NUBPL: variants seen among roughly 807,000 people sequenced by gnomAD.
The protein encoded by NUBPL is iron-sulfur cluster transfer protein NUBPL.
In NUBPL, 31 loss-of-function variants were observed where a neutral mutation model predicts 45.7. That is an observed-to-expected ratio of 0.68 (90% confidence interval 0.51 to 0.92). NUBPL has a LOEUF of 0.92. NUBPL is among the 40% of genes least tolerant of loss of function. The probability of loss-of-function intolerance (pLI) is 0.00; values close to 1 mark genes in which losing one functional copy is unlikely to be tolerated. For synonymous variants in NUBPL, 144 were observed against 140.9 expected (o/e 1.02, Z -0.15); for missense variants, 401 against 398.7 (o/e 1.01, Z -0.05).
At chr14:31,567,260 CTTT>C (rs1308136824) in intron 3 of NUBPL, among the ~76,000 whole-genome samples, 1 of 152,030 alleles carries the variant, frequency 6.6e-6, no homozygotes, top group Non-Finnish European at 1.5e-5. Context: ...TTTAGGTTTT[CTTT>C]ATGTCTTTTA....
chr14:31,851,795 AT>A (rs1302555160), intron 10 of NUBPL, among the ~76,000 whole-genome samples: 1 of 152,200 alleles, frequency 6.6e-6, no homozygotes, highest in Non-Finnish European at 1.5e-5. Flanking sequence ...AGAACAGACT[AT>A]AAAGACATTT....
intron 6 of NUBPL, among the ~76,000 whole-genome samples, chr14:31,750,427 G>A (rs2038500980): frequency 6.7e-6 from 1 of 148,150 alleles, no homozygotes; most frequent in Admixed American, 6.8e-5. Flanking sequence ...TCGATCTCCT[G>A]ACCTCGTGAT....
rs781121684 is a variant in NUBPL at position 31,859,170 on chromosome 14, C to A, written c.950C>A (p.Pro317His). ...AVEVVRRLPS[P>H]SE ...GAAGTGGTAAGAAGATTGCCATCACCTTCAGAATGATTCCCCAAGTGTCCT... is the reference window on the plus strand; with the variant it reads ...GAAGTGGTAAGAAGATTGCCATCACATTCAGAATGATTCCCCAAGTGTCCT... Residue 317 changes from proline (P) to histidine (H), a missense_variant, in exon 11 of 11, where the codon CCT becomes CAT. Pro to His is a moderately conservative substitution (Grantham distance 77, BLOSUM62 -2). Coordinates refer to ENST00000281081, the MANE Select transcript of NUBPL (RefSeq NM_025152.3). 8 of 1,613,830 alleles carry A rather than the reference C, an allele frequency of 5.0e-6. No homozygotes were observed. The Admixed American group carries it at 1.3e-4, about 27-fold the overall frequency.
chr14:31,736,042 T>A (rs1025585429), intron 6 of NUBPL, among the ~76,000 whole-genome samples: 2 of 152,328 alleles, frequency 1.3e-5, no homozygotes, highest in Middle Eastern at 3.4e-3. Context: ...TTACTCAGTC[T>A]TCCTAACTTT....
chr14:31,614,140 G>T (rs750707085), intron 4 of NUBPL, among the ~76,000 whole-genome samples: 12 of 152,084 alleles, frequency 7.9e-5, no homozygotes, highest in Middle Eastern at 3.2e-3. Context: ...GTGGGGATTA[G>T]AACCCTAATA....
At chr14:31,786,403 T>C (rs1168641025) in intron 6 of NUBPL, among the ~76,000 whole-genome samples, 2 of 152,230 alleles carry the variant, frequency 1.3e-5, no homozygotes, top group Non-Finnish European at 1.5e-5. Flanking sequence ...GATAACCTTC[T>C]CTTCACTCAC....
At chr14:31,753,309 T>G (rs1234098054) in intron 6 of NUBPL, among the ~76,000 whole-genome samples, 1 of 152,036 alleles carries the variant, frequency 6.6e-6, no homozygotes, top group Non-Finnish European at 1.5e-5. Flanking sequence ...GGGAGGTGTA[T>G]GCAGCCTATG....
intron 4 of NUBPL, among the ~76,000 whole-genome samples, chr14:31,647,721 G>T (rs546374645): frequency 4.6e-5 from 7 of 152,160 alleles, no homozygotes; most frequent in African/African-American, 1.7e-4. Flanking sequence ...CCCTTTAGGC[G>T]TTCATGATGC....
rs752631820 is a variant in NUBPL, at chr14:31,787,789, G to T, written c.523G>T (p.Gly175Cys). 3 of 1,608,082 alleles carry T rather than the reference G, an allele frequency of 1.9e-6. No homozygotes were observed. The highest frequency in any genetic ancestry group is 2.6e-6 in the Non-Finnish European group (3 of 1,174,844). The change falls in exon 7 of 11, where the codon GGT becomes TGT. Residue 175 changes from glycine (G) to cysteine (C), a missense_variant. Physicochemically the swap from Gly to Cys is radical, Grantham distance 159 (BLOSUM62 -3). Coordinates refer to ENST00000281081, the MANE Select transcript of NUBPL (RefSeq NM_025152.3). ...TATGTCATCTTTTTAGGTAGATTGG[G>T]GTCAACTGGACTACTTAGTTGTAGA... is the stretch of plus-strand genomic sequence containing the variant. ...IEKLLRQVDW[G>C]QLDYLVVDMP...
intron 7 of NUBPL, among the ~76,000 whole-genome samples, chr14:31,815,249 C>T (rs1644491737): frequency 6.6e-6 from 1 of 151,916 alleles, no homozygotes; most frequent in African/African-American, 2.4e-5. Context: ...TGAAGAGGTC[C>T]TTCACATCCC....
At chr14:31,823,042 A>G (rs998156786) in intron 7 of NUBPL, among the ~76,000 whole-genome samples, 1 of 152,068 alleles carries the variant, frequency 6.6e-6, no homozygotes, top group Non-Finnish European at 1.5e-5. Flanking sequence ...AATAGGGCCT[A>G]TGGAAATAGA....
chr14:31,632,725 C>G (rs1307994665), intron 4 of NUBPL, among the ~76,000 whole-genome samples: 1 of 152,112 alleles, frequency 6.6e-6, no homozygotes, highest in African/African-American at 2.4e-5. Flanking sequence ...TCAGCAGATG[C>G]TGTTATTTTA....
In NUBPL at chr14:31,561,527, G is replaced by A. The variant is rs2033279279; in HGVS notation, c.88G>A (p.Ala30Thr). 7 of 1,382,938 alleles carry A rather than the reference G, an allele frequency of 5.1e-6. No individual in the cohort carries two copies. Among genetic ancestry groups the A allele is most frequent in the Non-Finnish European group, 4.7e-6 (5 of 1,060,814 alleles). The allele number at this position is 1,382,938 out of a possible 1,614,324, so 85.7% of individuals were successfully genotyped here. A position where few individuals can be genotyped will look rare whatever the true frequency, so the allele number is the denominator to read the frequency against. ...CACTGCCCCGCTTGGGGGAAGCCGA[G>A]CGATGGTTTGTGGGCGCCAGGTCCG... The part of the protein sequence containing the change: ...GATAPLGGSR[A>T]MVCGRQLSGA... The change falls in exon 1 of 11, where the codon GCG becomes ACG. Residue 30 changes from alanine to threonine, a missense_variant. By Grantham distance (58) the Ala-to-Thr change is moderately conservative. Coordinates refer to ENST00000281081, the MANE Select transcript of NUBPL (RefSeq NM_025152.3).
intron 8 of NUBPL, among the ~76,000 whole-genome samples, chr14:31,834,845 A>G (rs2040256458): frequency 6.6e-6 from 1 of 152,216 alleles, no homozygotes; most frequent in Non-Finnish European, 1.5e-5. Context: ...CTGGGCTCTG[A>G]TCCAAGAAGT....
chr14:31,710,623 G>C (rs2037549645), intron 6 of NUBPL, among the ~76,000 whole-genome samples: 1 of 152,168 alleles, frequency 6.6e-6, no homozygotes, highest in African/African-American at 2.4e-5. Context: ...ACATTCTCCT[G>C]TTAGTACTGG....
chr14:31,613,422 G>A (rs1041483683), intron 4 of NUBPL, among the ~76,000 whole-genome samples: 3 of 151,834 alleles, frequency 2.0e-5, no homozygotes, highest in Non-Finnish European at 2.9e-5. Flanking sequence ...ATAACTTATT[G>A]TACATTTAAA....
chr14:31,739,106 TG>T (rs1304230078), intron 6 of NUBPL, among the ~76,000 whole-genome samples: 1 of 149,774 alleles, frequency 6.7e-6, no homozygotes, highest in Non-Finnish European at 1.5e-5. Flanking sequence ...CTCCGCCTCC[TG>T]GGTTCGAGCA....
intron 6 of NUBPL, among the ~76,000 whole-genome samples, chr14:31,761,406 A>G (rs1358276615): frequency 6.6e-6 from 1 of 152,188 alleles, no homozygotes; most frequent in Non-Finnish European, 1.5e-5. Context: ...AAGAAAATAT[A>G]TATCCTGTAT....
At chr14:31,759,840 A>T (rs147571719) in intron 6 of NUBPL, among the ~76,000 whole-genome samples, 1 of 151,236 alleles carries the variant, frequency 6.6e-6, no homozygotes, top group South Asian at 2.1e-4. Flanking sequence ...TTATTATATA[A>T]TAGGATTTGT....
Sources: gnomAD v4.1 joint callset for allele counts (sites outside exome capture counted in the v4.1 genomes callset) on GRCh38, gnomAD v4.1.1 for gene constraint, MANE v1.5 for transcripts, NCBI Gene and HGNC (gene_info 2026-07-23, HGNC 2026-07-21) for gene names.